The following NEK10 variants were observed in gnomAD, a reference collection of about 807,000 sequenced individuals.
NEK10 encodes NIMA related kinase 10, also known as serine/threonine-protein kinase Nek10.
Under a neutral mutation model 159.8 loss-of-function variants are expected in NEK10, and 122 were observed. The observed-to-expected ratio is 0.76, with a 90% CI of 0.66 to 0.89. NEK10 has a LOEUF of 0.89. NEK10 is among the 40% of genes least tolerant of loss of function. The probability of loss-of-function intolerance (pLI) is 0.00; values close to 1 mark genes in which losing one functional copy is unlikely to be tolerated. For synonymous variants in NEK10, 466 were observed against 457.1 expected, an observed-to-expected ratio of 1.02 and a Z score of -0.25; for missense variants, 1,342 against 1,323.1, an observed-to-expected ratio of 1.01 and a Z score of -0.22.
chr3:27,237,018 C>G (rs1017051242), intron 23 of NEK10, among the ~76,000 whole-genome samples: 3 of 152,084 alleles, frequency 2.0e-5, no homozygotes, highest in African/African-American at 7.2e-5. Flanking sequence ...ATAGACCTCC[C>G]CCCAGGAATG....
At chr3:27,295,772 A>G (rs1439178646) in intron 14 of NEK10, 82 bp from the exon 15 acceptor site, 37 of 1,422,696 alleles carry the variant, frequency 2.6e-5, no homozygotes, top group Non-Finnish European at 3.4e-5. Context: ...ACAATCTCAA[A>G]CATTAATATC....
At chr3:27,157,189 G>T (rs1369430288) in intron 30 of NEK10, among the ~76,000 whole-genome samples, 1 of 151,364 alleles carries the variant, frequency 6.6e-6, no homozygotes. Context: ...GGGAAGAGTG[G>T]GAAAGGGGTG....
At chr3:27,244,388 T>C (rs538362572) in intron 23 of NEK10, among the ~76,000 whole-genome samples, 225 of 152,326 alleles carry the variant, frequency 1.5e-3, no homozygotes, top group African/African-American at 5.2e-3. Flanking sequence ...AAGTTTCTTA[T>C]TGTGTCTGTT....
intron 33 of NEK10, among the ~76,000 whole-genome samples, chr3:27,118,361 A>C (rs1324753173): frequency 6.6e-6 from 1 of 152,218 alleles, no homozygotes; most frequent in African/African-American, 2.4e-5. Context: ...ATGCCACCCA[A>C]AGCCGTGTTG....
intron 23 of NEK10, among the ~76,000 whole-genome samples, chr3:27,253,612 T>C (rs892116460): frequency 6.6e-6 from 1 of 152,076 alleles, no homozygotes. Flanking sequence ...CTACAAGAGT[T>C]GACAAAGAGA....
In NEK10 at chr3:27,258,258, T is replaced by C. The variant is rs193293961; in HGVS notation, c.2015-1887A>G. Among the ~76,000 whole-genome samples, 938 of 152,268 alleles carry C rather than the reference T, an allele frequency of 6.2e-3. 14 individuals carry two copies. The highest frequency in any genetic ancestry group is 0.021 in the African/African-American group (893 of 41,552). The stretch of plus-strand genomic sequence containing the variant: ...ATTATACTTTAAATTTTAGGGTACA[T>C]GTGCACAACGTGCAAGTTTGTTACA... On this transcript the variant is annotated intron_variant, in intron 22 of 35. Coordinates refer to ENST00000691995, the MANE Select transcript of NEK10 (RefSeq NM_001394966.1).
At chr3:27,247,132 C>A (rs1485609725) in intron 23 of NEK10, among the ~76,000 whole-genome samples, 1 of 152,150 alleles carries the variant, frequency 6.6e-6, no homozygotes, top group South Asian at 2.1e-4. Context: ...TCTTATCTGG[C>A]TGCTCTGGCT....
chr3:27,336,240 A>C (rs1470911241), intron 5 of NEK10, among the ~76,000 whole-genome samples: 2 of 152,160 alleles, frequency 1.3e-5, no homozygotes, highest in East Asian at 3.8e-4. Flanking sequence ...AACAAACTGA[A>C]AAACCTAGAG....
At chr3:27,165,629 A>G (rs114820356) in intron 29 of NEK10, among the ~76,000 whole-genome samples, 3,323 of 152,312 alleles carry the variant, frequency 0.022, 142 homozygotes, top group African/African-American at 0.076. Flanking sequence ...TAGAAGGCTG[A>G]AAGAATTCTA....
chr3:27,223,473 C>T (rs559662936), intron 23 of NEK10, among the ~76,000 whole-genome samples: 86 of 152,336 alleles, frequency 5.6e-4, no homozygotes, highest in African/African-American at 1.9e-3. Context: ...TACATGGACG[C>T]ATATGAAATC....
intron 22 of NEK10, among the ~76,000 whole-genome samples, chr3:27,259,481 T>C (rs535878889): frequency 6.6e-5 from 10 of 152,368 alleles, no homozygotes; most frequent in African/African-American, 2.4e-4. Flanking sequence ...AGGGAATCCT[T>C]TCCCCATTGC....
chr3:27,231,245 A>G (rs1216236212), intron 23 of NEK10, among the ~76,000 whole-genome samples: 1 of 151,970 alleles, frequency 6.6e-6, no homozygotes, highest in Non-Finnish European at 1.5e-5. Flanking sequence ...AAAATTAAAT[A>G]ATGTGCTCTT....
chr3:27,361,771 C>T (rs1020532543), intron 1 of NEK10, among the ~76,000 whole-genome samples: 18 of 152,040 alleles, frequency 1.2e-4, no homozygotes, highest in East Asian at 3.8e-4. Flanking sequence ...TGTTTGGTGG[C>T]GCTGCAAAAA....
intron 15 of NEK10, among the ~76,000 whole-genome samples, chr3:27,294,207 T>A (rs1465622343): frequency 6.6e-6 from 1 of 152,180 alleles, no homozygotes; most frequent in Non-Finnish European, 1.5e-5. Flanking sequence ...CCTGTGAGCC[T>A]TTACCTAGGA....
intron 22 of NEK10, among the ~76,000 whole-genome samples, chr3:27,256,929 T>TTTTC (rs1228707490): frequency 3.3e-5 from 5 of 149,704 alleles, no homozygotes; most frequent in African/African-American, 1.2e-4. Flanking sequence ...TTTTTTTTTT[T>TTTTC]TTTTGAGACA....
At chr3:27,201,836 G>T (rs573672225) in intron 24 of NEK10, among the ~76,000 whole-genome samples, 1 of 152,150 alleles carries the variant, frequency 6.6e-6, no homozygotes, top group Non-Finnish European at 1.5e-5. Flanking sequence ...ATAAGGTGCT[G>T]GATTGTGAGT....
At position 27,362,377 on chromosome 3, in the gene NEK10, C is replaced by A. The variant is rs575851007; in HGVS notation, c.-38+6848G>T. Among the ~76,000 whole-genome samples, 3 of 152,206 alleles carry A rather than the reference C, an allele frequency of 2.0e-5. No individual in the cohort carries two copies. In the South Asian group the frequency reaches 6.2e-4, roughly 32 times the overall value. On this transcript the variant is annotated intron_variant, in intron 1 of 35. Transcript: ENST00000691995. ...TAAGAAGTTTGGAAGCAATGCTATT[C>A]TTGGAAATGTAAAACATCTATATGC... is the stretch of plus-strand genomic sequence containing the variant.
At chr3:27,153,616 C>T (rs1945110585) in intron 30 of NEK10, among the ~76,000 whole-genome samples, 2 of 152,080 alleles carry the variant, frequency 1.3e-5, no homozygotes, top group South Asian at 4.2e-4. Flanking sequence ...TCTCTTAGAC[C>T]ACAGTGGACT....
rs777926363 is a variant in NEK10, at chr3:27,307,897, C to A, written c.765G>T (p.Leu255=). 3.2e-6 allele frequency: 5 copies of A among 1,570,152 alleles called. No homozygotes were observed. The African/African-American group carries it at 6.8e-5, about 21-fold the overall frequency. ...KISELNIVEN[L]LMILHEYDLL... ...AGTCATATTCATGTAAAATCATCAA[C>A]AGATTTTCTACAATGTTGAGTTCAC... Residue 255 remains leucine, a synonymous_variant, in exon 11 of 36, where the codon CTG becomes CTT. Coordinates refer to ENST00000691995, the MANE Select transcript of NEK10 (RefSeq NM_001394966.1).
Sources: gnomAD v4.1 joint callset for allele counts (sites outside exome capture counted in the v4.1 genomes callset) on GRCh38, gnomAD v4.1.1 for gene constraint, MANE v1.5 for transcripts, NCBI Gene and HGNC (gene_info 2026-07-23, HGNC 2026-07-21) for gene names.